Variants in JCAD observed in about 807,000 individuals in gnomAD.
JCAD encodes the protein junctional cadherin 5-associated protein.
In JCAD, 40 loss-of-function variants were observed where a neutral mutation model predicts 98.0. That is an observed-to-expected ratio of 0.41 (90% CI 0.32 to 0.53). The LOEUF (loss-of-function observed/expected upper bound fraction) is 0.53. JCAD is among the 20% of genes least tolerant of loss of function. JCAD has a pLI of 0.31. For synonymous variants in JCAD, 691 were observed against 682.3 expected, an observed-to-expected ratio of 1.01 and a Z score of -0.20; for missense variants, 1,705 against 1,738.1, an observed-to-expected ratio of 0.98 and a Z score of 0.34.
At chr10:30,076,228 T>C (rs1163395330) in intron 1 of JCAD, among the ~76,000 whole-genome samples, 2 of 152,146 alleles carry the variant, frequency 1.3e-5, no homozygotes, top group Non-Finnish European at 2.9e-5. Context: ...GGTTTCATCA[T>C]GTTGGCCAGG....
At chr10:30,104,247 G>A (rs971564800) in intron 1 of JCAD, among the ~76,000 whole-genome samples, 3 of 152,174 alleles carry the variant, frequency 2.0e-5, no homozygotes, top group Non-Finnish European at 2.9e-5. Flanking sequence ...TGTTAAGGGA[G>A]TTTGGATTTG....
intron 1 of JCAD, among the ~76,000 whole-genome samples, chr10:30,099,536 A>T (rs189218974): frequency 1.1e-4 from 16 of 152,218 alleles, no homozygotes; most frequent in Admixed American, 7.9e-4. Flanking sequence ...GGGAAACAGC[A>T]TGAATAATAA....
chr10:30,026,311 G>C lies in JCAD; in HGVS notation c.3837C>G (p.Ala1279=). 1.2e-6 allele frequency: 2 copies of C among 1,614,034 alleles called. No individual in the cohort carries two copies. The highest frequency in any genetic ancestry group is 1.7e-6 in the Non-Finnish European group (2 of 1,180,018). The change falls in exon 3 of 4, where the codon GCC becomes GCG. Residue 1279 remains alanine (A), a synonymous_variant. Transcript: ENST00000375377. ...ATTCCTCGGCGTCCTCCTGGGAGTC[G>C]GCATTCCTGAAGCTCAGGACTCTCA... The part of the protein sequence containing the change: ...SRMRVLSFRN[A]DSQEDAEELK...
At chr10:30,092,050 A>ATATAT (rs1838279346) in intron 1 of JCAD, among the ~76,000 whole-genome samples, 2 of 30,590 alleles carry the variant, frequency 6.5e-5, no homozygotes, top group African/African-American at 1.4e-4. Context: ...AAAAAAAAAA[A>ATATAT]AAAAAAAAAA....
chr10:30,032,536 C>T (rs113873294), intron 2 of JCAD, among the ~76,000 whole-genome samples: 166 of 152,184 alleles, frequency 1.1e-3, no homozygotes, highest in East Asian at 2.3e-3. Context: ...AACCATGGGC[C>T]GGGCTGACTT....
At chr10:30,096,209 G>A (rs904296926) in intron 1 of JCAD, among the ~76,000 whole-genome samples, 1 of 152,122 alleles carries the variant, frequency 6.6e-6, no homozygotes, top group African/African-American at 2.4e-5. Context: ...CACCGCCCCA[G>A]GTGCTGGGGA....
chr10:30,027,060 C>A lies in JCAD; in HGVS notation c.3088G>T (p.Ala1030Ser), dbSNP rs1323108202. The part of the protein sequence containing the change: ...RKFDSGGERG[A>S]GLPLSLSNKN... The stretch of plus-strand genomic sequence containing the variant: ...TTAGACAGGGACAGTGGGAGCCCTG[C>A]CCCCCTCTCTCCACCACTGTCAAAC... The change falls in exon 3 of 4, where the codon GCA (alanine) becomes TCA (serine). Residue 1030 changes from alanine to serine, a missense_variant. By Grantham distance (99) the Ala-to-Ser change is moderately conservative (BLOSUM62 1). Around this residue, in one of 3 missense-constraint regions of JCAD, gnomAD observed 1,278 missense variants for 1,243.1 expected, o/e 1.03. Coordinates refer to ENST00000375377, the MANE Select transcript of JCAD (RefSeq NM_020848.4). The A allele has an allele frequency of 1.2e-6, 2 of 1,614,050 alleles. No homozygotes were observed. The highest frequency in any genetic ancestry group is 1.1e-5 in the South Asian group (1 of 91,086).
chr10:30,090,204 C>T (rs1355086237), intron 1 of JCAD, among the ~76,000 whole-genome samples: 1 of 152,194 alleles, frequency 6.6e-6, no homozygotes, highest in African/African-American at 2.4e-5. Context: ...ATCATGAGCA[C>T]TATTTGGTTA....
chr10:30,092,125 T>TAAAA (rs775484783), intron 1 of JCAD, among the ~76,000 whole-genome samples: 1 of 104,926 alleles, frequency 9.5e-6, no homozygotes, highest in East Asian at 2.9e-4. Flanking sequence ...TATATATATA[T>TAAAA]AAAAAACATT....
chr10:30,073,025 C>T (rs997362427), intron 1 of JCAD, among the ~76,000 whole-genome samples: 6 of 152,210 alleles, frequency 3.9e-5, no homozygotes, highest in Admixed American at 6.5e-5. Flanking sequence ...GACAGGCTCT[C>T]TTAGGAACAC....
Position 30,014,528 on chromosome 10 carries a change from ACT to A in JCAD, c.*3353_*3354del, listed in dbSNP as rs1207004212. Reference sequence around the variant, plus strand: ...CATTTAAAACAAACAATAATAAAAAACTCAGCCAGAACACGCAAACGTGATCT... The same window carrying A: ...CATTTAAAACAAACAATAATAAAAAACAGCCAGAACACGCAAACGTGATCT... On this transcript the variant is annotated 3_prime_UTR_variant, in exon 4 of 4. Coordinates refer to ENST00000375377, the MANE Select transcript of JCAD (RefSeq NM_020848.4). The A allele has an allele frequency of 5.3e-5, 8 of 152,312 alleles. No homozygotes were observed. The highest frequency in any genetic ancestry group is 1.9e-4 in the African/African-American group (8 of 41,574). The allele number at this position is 152,312 out of a possible 1,614,324, so 9.4% of individuals were successfully genotyped here.
chr10:30,031,523 C>A (rs970947047), intron 2 of JCAD, among the ~76,000 whole-genome samples: 3 of 149,144 alleles, frequency 2.0e-5, no homozygotes, highest in African/African-American at 7.4e-5. Context: ...CTCATTGCCA[C>A]CTCCGCCTCC....
rs1836475900 is a variant in JCAD at position 30,013,775 on chromosome 10, C to G, written c.*4108G>C. The G allele has an allele frequency of 6.6e-6, 1 of 152,248 alleles. No individual in the cohort carries two copies. The highest frequency in any genetic ancestry group is 1.5e-5 in the Non-Finnish European group (1 of 68,074). The allele number at this position is 152,248 out of a possible 1,614,324, so 9.4% of individuals were successfully genotyped here. Reference sequence around the variant, plus strand: ...CTTGCCTTTGGGTTTAAGTTTCAGTCACTAAACAGAGACCACAGAACAAGG... The same window carrying G: ...CTTGCCTTTGGGTTTAAGTTTCAGTGACTAAACAGAGACCACAGAACAAGG... On this transcript the variant is annotated 3_prime_UTR_variant, in exon 4 of 4. Coordinates refer to ENST00000375377, the MANE Select transcript of JCAD (RefSeq NM_020848.4).
At position 30,059,219 on chromosome 10, in the gene JCAD, C is replaced by T. The variant is rs575367138; in HGVS notation, c.-60+263G>A. 2.5e-4 allele frequency among the ~76,000 whole-genome samples: 38 copies of T among 151,618 alleles called. No individual in the cohort carries two copies. In the South Asian group the frequency reaches 6.4e-3, roughly 26 times the overall value. ...GGACCCCCGCGCTCCGAGCGGGGCA[C>T]CTGAGGGGAGGGGACGCCCCTCCCG... On this transcript the variant is annotated intron_variant, in intron 1 of 3. Coordinates refer to ENST00000375377, the MANE Select transcript of JCAD (RefSeq NM_020848.4). The surrounding 1 kb of genome is among the most constrained non-coding windows in gnomAD (Gnocchi z 5.0).
intron 2 of JCAD, among the ~76,000 whole-genome samples, chr10:30,065,132 C>A (rs1837762014): frequency 6.6e-6 from 1 of 152,128 alleles, no homozygotes; most frequent in South Asian, 2.1e-4. Flanking sequence ...TAAAAAGAAG[C>A]TGATTAATAC....
chr10:30,018,594 G>A (rs1836588559), intron 3 of JCAD, among the ~76,000 whole-genome samples: 1 of 152,086 alleles, frequency 6.6e-6, no homozygotes, highest in South Asian at 2.1e-4. Context: ...GTGCCCAGAT[G>A]ACCTGGATTT....
rs934733612 is a variant in JCAD at position 30,029,160 on chromosome 10, G to C, written c.988C>G (p.Leu330Val). The stretch of plus-strand genomic sequence containing the variant: ...GGAGGTTCCAATCCAGGGTCTGACA[G>C]GCAGAGCTCATGCCTGGGGACATAG... The part of the protein sequence containing the change: ...DAYVPRHELC[L>V]SDPGLEPPVY... Residue 330 changes from leucine (L) to valine (V), a missense_variant, in exon 3 of 4, where the codon CTG becomes GTG. By Grantham distance (32) the Leu-to-Val change is conservative (BLOSUM62 1). Coordinates refer to ENST00000375377, the MANE Select transcript of JCAD (RefSeq NM_020848.4). The C allele has an allele frequency of 1.9e-6, 3 of 1,614,082 alleles. No individual in the cohort carries two copies. In the African/African-American group the frequency reaches 4.0e-5, roughly 22 times the overall value.
At chr10:30,089,564 G>T (rs1359783691) in intron 1 of JCAD, among the ~76,000 whole-genome samples, 1 of 146,954 alleles carries the variant, frequency 6.8e-6, no homozygotes, top group Non-Finnish European at 1.5e-5. Flanking sequence ...GCTACTAATG[G>T]CTGTCAGGGA....
At chr10:30,114,211 A>G (rs1050724582) in intron 1 of JCAD, among the ~76,000 whole-genome samples, 1 of 152,086 alleles carries the variant, frequency 6.6e-6, no homozygotes, top group Admixed American at 6.6e-5. Context: ...GAAATTTGGC[A>G]CTTCATTTTG....
Sources: gnomAD v4.1 joint callset for allele counts (sites outside exome capture counted in the v4.1 genomes callset) on GRCh38, gnomAD v4.1.1 for gene constraint, gnomAD v4.1.1 regional missense constraint, Gnocchi (gnomAD v3.1) non-coding constraint, MANE v1.5 for transcripts, NCBI Gene and HGNC (gene_info 2026-07-23, HGNC 2026-07-21) for gene names.